The following ITFG1 variants were observed in gnomAD, a reference collection of about 807,000 sequenced individuals.
The protein encoded by ITFG1 is T-cell immunomodulatory protein.
In ITFG1, 34 loss-of-function variants were observed where a neutral mutation model predicts 81.8. That is an observed-to-expected ratio of 0.42 (90% CI 0.32 to 0.55). The LOEUF (loss-of-function observed/expected upper bound fraction) is 0.55, where lower values mean the gene tolerates loss of function less well. Among genes scored for constraint, ITFG1 ranks in the 20% least tolerant of loss-of-function variants. ITFG1 has a pLI of 0.17. For synonymous variants in ITFG1, 285 were observed against 270.6 expected, an observed-to-expected ratio of 1.05 and a Z score of -0.52; for missense variants, 672 against 755.4, an observed-to-expected ratio of 0.89 and a Z score of 1.29.
intron 2 of ITFG1, 91 bp downstream of exon 2, chr16:47,459,012 G>C (rs536495204): frequency 5.2e-5 from 42 of 809,662 alleles, no homozygotes; most frequent in Admixed American, 7.9e-5. Flanking sequence ...CCAACACTAA[G>C]GCTGACTTTA....
At chr16:47,228,152 T>C (rs1965776874) in intron 13 of ITFG1, among the ~76,000 whole-genome samples, 1 of 152,182 alleles carries the variant, frequency 6.6e-6, no homozygotes, top group Non-Finnish European at 1.5e-5. Context: ...CTATCTTTGG[T>C]ACACGAAGCA....
At chr16:47,442,956 G>T (rs1424181532) in intron 5 of ITFG1, among the ~76,000 whole-genome samples, 1 of 152,156 alleles carries the variant, frequency 6.6e-6, no homozygotes, top group Non-Finnish European at 1.5e-5. Context: ...CCATCAGAGT[G>T]AACAGGCAAC....
At position 47,359,388 on chromosome 16, in the gene ITFG1, T is replaced by C. The variant is rs576290742; in HGVS notation, c.802+6400A>G. Among the ~76,000 whole-genome samples, 60 of 152,324 alleles carry C rather than the reference T, an allele frequency of 3.9e-4. No homozygotes were observed. The South Asian group carries it at 0.012, about 31-fold the overall frequency. ...AGAGTTCCTCTTCCTACTCCTTTCC[T>C]ACCTCATCAAATGGCGCTGAGTTGT... On this transcript the variant is annotated intron_variant, in intron 8 of 17. Coordinates refer to ENST00000320640, the MANE Select transcript of ITFG1 (RefSeq NM_030790.5).
At chr16:47,234,180 T>G (rs181914106) in intron 13 of ITFG1, among the ~76,000 whole-genome samples, 1 of 152,184 alleles carries the variant, frequency 6.6e-6, no homozygotes, top group Non-Finnish European at 1.5e-5. Flanking sequence ...GACTTATATA[T>G]AGCAGGCATT....
At chr16:47,251,323 C>A (rs1966072207) in intron 12 of ITFG1, among the ~76,000 whole-genome samples, 1 of 152,218 alleles carries the variant, frequency 6.6e-6, no homozygotes, top group Admixed American at 6.5e-5. Context: ...CAAGCCACCA[C>A]TTTGCTCAAA....
At chr16:47,173,009 A>AG (rs1964979786) in intron 14 of ITFG1, among the ~76,000 whole-genome samples, 3 of 152,162 alleles carry the variant, frequency 2.0e-5, no homozygotes, top group Admixed American at 2.0e-4. Flanking sequence ...GTTCCTTGGA[A>AG]AATCTAGGAG....
chr16:47,163,908 C>T (rs1964847659), intron 14 of ITFG1, among the ~76,000 whole-genome samples: 1 of 135,066 alleles, frequency 7.4e-6, no homozygotes, highest in African/African-American at 2.8e-5. Context: ...GTGAAAGAAG[C>T]TCAACTACAC....
rs556794477 is a variant in ITFG1 at position 47,171,164 on chromosome 16, G to A, written c.1454-8500C>T. 2.3e-4 allele frequency among the ~76,000 whole-genome samples: 35 copies of A among 151,260 alleles called. No homozygotes were observed. The South Asian group carries it at 7.3e-3, about 32-fold the overall frequency. On this transcript the variant is annotated intron_variant, in intron 14 of 17. Coordinates refer to ENST00000320640, the MANE Select transcript of ITFG1 (RefSeq NM_030790.5). ...TGAGTAGCTAGGACTACGGGTGCATGCCACCACACATGGCTAATTTTTTTG... is the reference window on the plus strand; with the variant it reads ...TGAGTAGCTAGGACTACGGGTGCATACCACCACACATGGCTAATTTTTTTG...
chr16:47,245,693 A>G (rs1283103188), intron 12 of ITFG1, among the ~76,000 whole-genome samples: 1 of 152,224 alleles, frequency 6.6e-6, no homozygotes, highest in African/African-American at 2.4e-5. Flanking sequence ...AGAAAAGACT[A>G]TCAAACATCT....
chr16:47,431,937 A>G (rs967991040), intron 5 of ITFG1, among the ~76,000 whole-genome samples: 1 of 152,146 alleles, frequency 6.6e-6, no homozygotes, highest in African/African-American at 2.4e-5. Context: ...CCAAGGCTCT[A>G]CTCAAATCAG....
At position 47,283,735 on chromosome 16, in the gene ITFG1, G is replaced by T. The variant is rs146236231; in HGVS notation, c.1071-23040C>A. Among the ~76,000 whole-genome samples the T allele has an allele frequency of 2.6e-5, 4 of 152,266 alleles. No individual in the cohort carries two copies. The East Asian group carries it at 7.7e-4, about 29-fold the overall frequency. On this transcript the variant is annotated intron_variant, in intron 10 of 17. Coordinates refer to ENST00000320640, the MANE Select transcript of ITFG1 (RefSeq NM_030790.5). ...TCTGACTTCAGAATATAATAAATCT[G>T]TGTTTTCCTAAAAGACATTATATTT...
At chr16:47,181,422 C>A (rs1357258574) in intron 14 of ITFG1, among the ~76,000 whole-genome samples, 4 of 145,312 alleles carry the variant, frequency 2.8e-5, no homozygotes, top group Non-Finnish European at 6.0e-5. Context: ...CCCCCCCGCC[C>A]GGCCAGCCGC....
intron 6 of ITFG1, among the ~76,000 whole-genome samples, chr16:47,388,730 G>A (rs1000697912): frequency 6.6e-6 from 1 of 152,184 alleles, no homozygotes; most frequent in African/African-American, 2.4e-5. Flanking sequence ...CCTAATAGTA[G>A]TAGTAACAGA....
intron 10 of ITFG1, among the ~76,000 whole-genome samples, chr16:47,275,676 T>C (rs1361253719): frequency 6.6e-6 from 1 of 152,100 alleles, no homozygotes; most frequent in Non-Finnish European, 1.5e-5. Context: ...TGTATATGTA[T>C]AGGGAAGATG....
In ITFG1 at chr16:47,428,899, C is replaced by A; in HGVS notation, c.561-1G>T. 6.5e-7 allele frequency: 1 copy of A among 1,541,268 alleles called. No homozygotes were observed. Among genetic ancestry groups the A allele is most frequent in the Non-Finnish European group, 8.8e-7 (1 of 1,131,948 alleles). On this transcript the variant is annotated splice_acceptor_variant, in intron 5 of 17. Transcript: ENST00000320640. LOFTEE classifies it high-confidence loss of function. Reference sequence around the variant, plus strand: ...CAATGCTGGATGCCATGATAAATTCCTAAAAAATAAAATAAAAATACTTTT... The same window carrying A: ...CAATGCTGGATGCCATGATAAATTCATAAAAAATAAAATAAAAATACTTTT...
At chr16:47,258,545 T>C (rs1225763508) in intron 12 of ITFG1, 87 bp downstream of exon 12, 1 of 682,908 alleles carries the variant, frequency 1.5e-6, no homozygotes, top group African/African-American at 1.8e-5. Flanking sequence ...TAGAGGGTTG[T>C]ACATCGGAGC....
At chr16:47,217,531 G>T (rs1965639143) in intron 14 of ITFG1, among the ~76,000 whole-genome samples, 2 of 152,272 alleles carry the variant, frequency 1.3e-5, no homozygotes, top group South Asian at 4.1e-4. Flanking sequence ...TTTTGTAAAG[G>T]TTTAATATGT....
intron 6 of ITFG1, among the ~76,000 whole-genome samples, chr16:47,416,115 C>CAAAAA (rs1968871209): frequency 6.6e-6 from 1 of 151,836 alleles, no homozygotes; most frequent in Non-Finnish European, 1.5e-5. Flanking sequence ...CAAAACAAAA[C>CAAAAA]AAAAAACACC....
Position 47,355,183 on chromosome 16 carries a change from C to G in ITFG1, c.802+10605G>C, listed in dbSNP as rs568249674. ...GAATGGATAAAAAAAAATGTGGTAT[C>G]TATATACAATGATATATTGTTCAGA... is the stretch of plus-strand genomic sequence containing the variant. On this transcript the variant is annotated intron_variant, in intron 8 of 17. Transcript: ENST00000320640. 2.0e-5 allele frequency among the ~76,000 whole-genome samples: 3 copies of G among 152,124 alleles called. No individual in the cohort carries two copies. In the East Asian group the frequency reaches 5.8e-4, roughly 29 times the overall value.
Sources: gnomAD v4.1 joint callset for allele counts (sites outside exome capture counted in the v4.1 genomes callset) on GRCh38, gnomAD v4.1.1 for gene constraint, MANE v1.5 for transcripts, NCBI Gene and HGNC (gene_info 2026-07-23, HGNC 2026-07-21) for gene names.